The following CSMD1 variants were observed in gnomAD, a reference collection of about 807,000 sequenced individuals.
CSMD1 encodes the protein CUB and sushi domain-containing protein 1.
A neutral mutation model predicts 417.5 loss-of-function variants in CSMD1; 213 were observed. The observed-to-expected ratio is 0.51, with a 90% confidence interval of 0.46 to 0.57. The LOEUF (loss-of-function observed/expected upper bound fraction) is 0.57, where lower values mean the gene tolerates loss of function less well. Among genes scored for constraint, CSMD1 ranks in the 20% least tolerant of loss-of-function variants. The pLI is 0.00. For synonymous variants in CSMD1, 2,862 were observed against 1,736.8 expected (o/e 1.65, Z -16.11); for missense variants, 6,923 against 4,529.7 (o/e 1.53, Z -15.17).
intron 37 of CSMD1, among the ~76,000 whole-genome samples, chr8:3,174,575 T>C (rs924678343): frequency 3.3e-5 from 5 of 152,234 alleles, no homozygotes; most frequent in Non-Finnish European, 7.3e-5. Context: ...TAAAAGACTA[T>C]ATTCTCACAA....
At chr8:4,043,938 C>G (rs550377510) in intron 3 of CSMD1, among the ~76,000 whole-genome samples, 1 of 152,062 alleles carries the variant, frequency 6.6e-6, no homozygotes, top group South Asian at 2.1e-4. Flanking sequence ...TTCCACCACA[C>G]CATATTGTCC....
At chr8:4,091,721 G>T (rs906554994) in intron 3 of CSMD1, among the ~76,000 whole-genome samples, 9 of 152,150 alleles carry the variant, frequency 5.9e-5, no homozygotes, top group African/African-American at 2.2e-4. Context: ...CACAAGCCTC[G>T]CTTGGTGTGC....
chr8:3,324,847 G>C (rs17079975), intron 23 of CSMD1, among the ~76,000 whole-genome samples: 1 of 152,034 alleles, frequency 6.6e-6, no homozygotes, highest in East Asian at 1.9e-4. Flanking sequence ...GATCTTTGCA[G>C]ATTTCAAGCT....
intron 5 of CSMD1, among the ~76,000 whole-genome samples, chr8:3,772,474 TATATAC>T (rs1563064457): frequency 0.033 from 1,137 of 34,972 alleles, 375 homozygotes; most frequent in African/African-American, 0.038. Context: ...TATACACATA[TATATAC>T]ATATATACAC....
chr8:3,265,606 C>A (rs1032865534), intron 26 of CSMD1, among the ~76,000 whole-genome samples: 1 of 152,142 alleles, frequency 6.6e-6, no homozygotes. Flanking sequence ...CTGTCAGGAA[C>A]CAAGAGTGAA....
At chr8:3,595,216 T>C (rs1005310647) in intron 8 of CSMD1, among the ~76,000 whole-genome samples, 1 of 152,172 alleles carries the variant, frequency 6.6e-6, no homozygotes, top group East Asian at 1.9e-4. Context: ...CCAGGAAGGC[T>C]GGGAAGACCA....
chr8:4,789,179 G>C (rs1438099371), intron 1 of CSMD1, among the ~76,000 whole-genome samples: 3 of 152,174 alleles, frequency 2.0e-5, no homozygotes, highest in Admixed American at 6.5e-5. Context: ...TGAATGCTTT[G>C]TGCTTAGAAA....
In CSMD1 at chr8:4,843,732, C is replaced by G. The variant is rs564653719; in HGVS notation, c.85+150600G>C. 1.3e-4 allele frequency among the ~76,000 whole-genome samples: 20 copies of G among 152,306 alleles called. No individual in the cohort carries two copies. In the East Asian group the frequency reaches 3.7e-3, roughly 28 times the overall value. On this transcript the variant is annotated intron_variant, in intron 1 of 69. Coordinates refer to ENST00000635120, the MANE Select transcript of CSMD1 (RefSeq NM_033225.6). The stretch of plus-strand genomic sequence containing the variant: ...TATATTATTCTGTTTTACACAATGC[C>G]TATCACAGTGCAGTGAGGTTGTACA...
intron 5 of CSMD1, among the ~76,000 whole-genome samples, chr8:3,879,906 T>C (rs1347051274): frequency 6.6e-6 from 1 of 152,090 alleles, no homozygotes; most frequent in Non-Finnish European, 1.5e-5. Context: ...TTTTATCCCC[T>C]ATAACGAAAT....
chr8:4,441,863 ATT>A (rs1210786246), intron 2 of CSMD1, among the ~76,000 whole-genome samples: 1 of 152,204 alleles, frequency 6.6e-6, no homozygotes, highest in Non-Finnish European at 1.5e-5. Flanking sequence ...TTCCAGAAAG[ATT>A]TGAGTTATTT....
chr8:3,558,366 ATGG>A (rs142633414), intron 10 of CSMD1, among the ~76,000 whole-genome samples: 2,227 of 104,524 alleles, frequency 0.021, 48 homozygotes, highest in Non-Finnish European at 0.039. Context: ...CCAATGATGA[ATGG>A]TGCCTCAGTA....
intron 6 of CSMD1, among the ~76,000 whole-genome samples, chr8:3,712,202 T>C (rs1301528133): frequency 2.6e-5 from 4 of 152,290 alleles, no homozygotes; most frequent in African/African-American, 9.6e-5. Flanking sequence ...CTTGGCAACG[T>C]TGTACAAAAA....
At chr8:4,235,311 T>C (rs1174894354) in intron 3 of CSMD1, among the ~76,000 whole-genome samples, 1 of 152,122 alleles carries the variant, frequency 6.6e-6, no homozygotes, top group African/African-American at 2.4e-5. Context: ...AAAAAGAAAT[T>C]TTAAAATTTA....
chr8:4,399,493 T>G (rs1183092500), intron 3 of CSMD1, among the ~76,000 whole-genome samples: 6 of 152,176 alleles, frequency 3.9e-5, no homozygotes, highest in Non-Finnish European at 8.8e-5. Flanking sequence ...CACGCTTAAG[T>G]TCAATGTCCT....
At chr8:3,826,451 C>T (rs1385658485) in intron 5 of CSMD1, among the ~76,000 whole-genome samples, 1 of 152,134 alleles carries the variant, frequency 6.6e-6, no homozygotes, top group Non-Finnish European at 1.5e-5. Context: ...CCCTTGCTCC[C>T]GGCCTACAGC....
chr8:3,152,105 A>G (rs1819233274), intron 39 of CSMD1, among the ~76,000 whole-genome samples: 1 of 152,186 alleles, frequency 6.6e-6, no homozygotes, highest in Admixed American at 6.5e-5. Flanking sequence ...TGACTGTCAG[A>G]TAGCTTTTCA....
intron 6 of CSMD1, 130 bp downstream of exon 6, chr8:3,753,800 T>C: frequency 1.7e-6 from 1 of 584,926 alleles, no homozygotes; most frequent in Non-Finnish European, 3.0e-6. Context: ...TTTCCAAAGA[T>C]AACTGTGAAT....
rs545727764 is a variant in CSMD1, at chr8:3,962,075, G to A, written c.818+35828C>T. On this transcript the variant is annotated intron_variant, in intron 5 of 69. Coordinates refer to ENST00000635120, the MANE Select transcript of CSMD1 (RefSeq NM_033225.6). Reference sequence around the variant, plus strand: ...GAAGGTGCACGGACCATCATTCTCAGAGATAACTTGAGCTTGGACTCAGAC... The same window carrying A: ...GAAGGTGCACGGACCATCATTCTCAAAGATAACTTGAGCTTGGACTCAGAC... Among the ~76,000 whole-genome samples the A allele has an allele frequency of 3.9e-5, 6 of 152,178 alleles. No individual in the cohort carries two copies. In the South Asian group the frequency reaches 1.2e-3, roughly 32 times the overall value.
At chr8:3,167,854 G>C (rs988151898) in intron 37 of CSMD1, among the ~76,000 whole-genome samples, 4 of 151,996 alleles carry the variant, frequency 2.6e-5, no homozygotes, top group Non-Finnish European at 5.9e-5. Flanking sequence ...AAATCCATCA[G>C]GCAAAATTCT....
Sources: gnomAD v4.1 joint callset for allele counts (sites outside exome capture counted in the v4.1 genomes callset) on GRCh38, gnomAD v4.1.1 for gene constraint, MANE v1.5 for transcripts, NCBI Gene and HGNC (gene_info 2026-07-23, HGNC 2026-07-21) for gene names.